Variants in FHAD1 observed in about 807,000 individuals in gnomAD.
The protein encoded by FHAD1 is forkhead associated phosphopeptide binding domain 1.
FHAD1 carries 146 observed loss-of-function variants against 191.3 expected under a neutral mutation model. The ratio of observed to expected loss-of-function variants is 0.76; its 90% CI spans 0.67 to 0.88. The LOEUF is 0.88. Among genes scored for constraint, FHAD1 ranks in the 40% least tolerant of loss-of-function variants. The probability of loss-of-function intolerance (pLI) is 0.00; values close to 1 mark genes in which losing one functional copy is unlikely to be tolerated. For synonymous variants in FHAD1, 616 were observed against 672.3 expected (o/e 0.92, Z 1.29); for missense variants, 1,635 against 1,785.8 (o/e 0.92, Z 1.52).
In FHAD1 at chr1:15,369,378, A is replaced by G. The variant is rs1208441760; in HGVS notation, c.3323A>G (p.Gln1108Arg). ...CCTCTTCTCTACCCTAGGGCTTCCC[A>G]AGAGAAACACAGACTCCAGCTGAAC... ...KALEEALRASQEKHRLQLNTE... is the reference protein window; with the variant it reads ...KALEEALRASREKHRLQLNTE... The change falls in exon 26 of 34, where the codon CAA (glutamine) becomes CGA (arginine). Residue 1108 changes from glutamine to arginine, a missense_variant. Physicochemically the swap from Gln to Arg is conservative, Grantham distance 43. Coordinates refer to ENST00000688493, the MANE Select transcript of FHAD1 (RefSeq NM_001391957.1). 6.4e-7 allele frequency: 1 copy of G among 1,552,052 alleles called. No individual in the cohort carries two copies. Among genetic ancestry groups the G allele is most frequent in the East Asian group, 2.4e-5 (1 of 40,926 alleles).
chr1:15,310,226 G>A (rs12088536), intron 7 of FHAD1, among the ~76,000 whole-genome samples: 1,907 of 152,324 alleles, frequency 0.013, 41 homozygotes, highest in African/African-American at 0.043. Flanking sequence ...TGAAAGCAGA[G>A]CGTAGCATTG....
At chr1:15,243,175 GC>G (rs1190690585), upstream of FHAD1, among the ~76,000 whole-genome samples, 1 of 152,218 alleles carries the variant, frequency 6.6e-6, no homozygotes, top group Non-Finnish European at 1.5e-5. Context: ...CTCATTTTCT[GC>G]CACGGGAAAA....
chr1:15,402,465 T>C (rs912327765), downstream of FHAD1, among the ~76,000 whole-genome samples: 4 of 152,228 alleles, frequency 2.6e-5, no homozygotes, highest in East Asian at 3.8e-4. Context: ...TCCACATATC[T>C]TGTTGGCTAC....
At chr1:15,358,365 G>T in intron 21 of FHAD1, 82 bp downstream of exon 21, 1 of 1,386,132 alleles carries the variant, frequency 7.2e-7, no homozygotes, top group South Asian at 1.4e-5. Flanking sequence ...GGTTTAGACC[G>T]GGGCTTCTCA....
chr1:15,324,483 G>A lies in FHAD1; in HGVS notation c.1397G>A (p.Arg466Lys). ...VEEKLQEDSR[R>K]KLLQLQEMGN... ...GAGAAGCTTCAGGAGGATTCCAGAA[G>A]GAAATTGCTTCAGCTGCAAGAAATG... Residue 466 changes from arginine to lysine, a missense_variant, in exon 11 of 34, where the codon AGG becomes AAG. Arg to Lys is a conservative substitution (Grantham distance 26, BLOSUM62 2). Coordinates refer to ENST00000688493, the MANE Select transcript of FHAD1 (RefSeq NM_001391957.1). 1 of 1,552,288 alleles carries A rather than the reference G, an allele frequency of 6.4e-7. No individual in the cohort carries two copies. Among genetic ancestry groups the A allele is most frequent in the South Asian group, 1.2e-5 (1 of 84,058 alleles).
chr1:15,363,723 C>T (rs555479104), intron 23 of FHAD1: 16 of 456,348 alleles, frequency 3.5e-5, no homozygotes, highest in South Asian at 2.3e-4. Flanking sequence ...TTTCAACTCT[C>T]CTGACCCTGA....
In FHAD1 at chr1:15,381,437, C is replaced by T. The variant is rs749359701; in HGVS notation, c.4008C>T (p.Asp1336=). ...KEELLRGYEK[D]VEQLRRSKVS... ...AGCTGTTGAGAGGATATGAAAAGGACGTTGAACAGCTCAGGTACCTCGGCA... is the reference window on the plus strand; with the variant it reads ...AGCTGTTGAGAGGATATGAAAAGGATGTTGAACAGCTCAGGTACCTCGGCA... Residue 1336 remains aspartate (D), a synonymous_variant, in exon 30 of 34, where the codon GAC becomes GAT. Coordinates refer to ENST00000688493, the MANE Select transcript of FHAD1 (RefSeq NM_001391957.1). The surrounding 1 kb of genome is among the most constrained non-coding windows in gnomAD (Gnocchi z 4.6). 32 of 1,551,176 alleles carry T rather than the reference C, an allele frequency of 2.1e-5. No homozygotes were observed. Among genetic ancestry groups the T allele is most frequent in the Non-Finnish European group, 2.6e-5 (30 of 1,146,938 alleles).
chr1:15,387,996 G>C, intron 31 of FHAD1, 55 bp from the exon 32 acceptor site: 1 of 1,036,506 alleles, frequency 9.6e-7, no homozygotes, highest in Non-Finnish European at 1.3e-6. Context: ...GATTGGAACG[G>C]GTAAGGACAC....
Position 15,367,539 on chromosome 1 carries a change from T to A in FHAD1, c.3231T>A (p.Ser1077Arg), listed in dbSNP as rs759129539. 1 of 1,546,034 alleles carries A rather than the reference T, an allele frequency of 6.5e-7. No individual in the cohort carries two copies. The change falls in exon 25 of 34, where the codon AGT (serine) becomes AGA (arginine). Residue 1077 changes from serine (S) to arginine (R), a missense_variant. Ser to Arg is a moderately radical substitution (Grantham distance 110). Coordinates refer to ENST00000688493, the MANE Select transcript of FHAD1 (RefSeq NM_001391957.1). Reference protein sequence around the residue: ...VLVQQQSKELSVLKEKMAQMS... With the variant: ...VLVQQQSKELRVLKEKMAQMS... ...TCCAGCAGCAGAGCAAGGAGCTGAG[T>A]GTGCTCAAGGAGAAGATGGCCCAGA...
Position 15,374,644 on chromosome 1 carries a change from C to T in FHAD1, c.3577+13C>T. On this transcript the variant is annotated intron_variant, in intron 27 of 33. Coordinates refer to ENST00000688493, the MANE Select transcript of FHAD1 (RefSeq NM_001391957.1). ...GCGCGCTCACCAGGTAAGTCTCCTC[C>T]TTCCTAGTCAGAGCAGTGGACCCCA... is the stretch of plus-strand genomic sequence containing the variant. The T allele has an allele frequency of 6.4e-7, 1 of 1,550,790 alleles. No homozygotes were observed. Among genetic ancestry groups the T allele is most frequent in the Non-Finnish European group, 8.7e-7 (1 of 1,146,916 alleles).
chr1:15,358,635 A>G (rs555948182), intron 21 of FHAD1, among the ~76,000 whole-genome samples: 1 of 152,338 alleles, frequency 6.6e-6, no homozygotes, highest in Non-Finnish European at 1.5e-5. Flanking sequence ...AGATGTTGTA[A>G]TGCAGGGTCC....
In FHAD1 at chr1:15,316,013, G is replaced by A. The variant is rs1038688102; in HGVS notation, c.1171-365G>A. The stretch of plus-strand genomic sequence containing the variant: ...CCCAGGGCAGTGGTGTCTTGGAGGA[G>A]TGAATTGCATGAAGCACTGAGAGCC... On this transcript the variant is annotated intron_variant, in intron 8 of 33. Transcript: ENST00000688493. The surrounding 1 kb of genome is among the most constrained non-coding windows in gnomAD (Gnocchi z 4.3). Among the ~76,000 whole-genome samples, 1 of 152,238 alleles carries A rather than the reference G, an allele frequency of 6.6e-6. No homozygotes were observed. The highest frequency in any genetic ancestry group is 2.4e-5 in the African/African-American group (1 of 41,464).
At position 15,369,478 on chromosome 1, in the gene FHAD1, T is replaced by TG; in HGVS notation, c.3424dup (p.Glu1142GlyfsTer37). 3 of 1,551,636 alleles carry TG rather than the reference T, an allele frequency of 1.9e-6. No homozygotes were observed. The highest frequency in any genetic ancestry group is 2.6e-6 in the Non-Finnish European group (3 of 1,146,978). On this transcript the variant is annotated frameshift_variant, in exon 26 of 34. Transcript: ENST00000688493. LOFTEE classifies it high-confidence loss of function. ...CTGTGCAGATAGAACCCGTCCACAC[T>TG]GAGGCCTTCTCCAGCAGCCAAGAGG...
chr1:15,347,692 G>A (rs1689400438), intron 18 of FHAD1, among the ~76,000 whole-genome samples: 1 of 152,202 alleles, frequency 6.6e-6, no homozygotes, highest in South Asian at 2.1e-4. Context: ...CAAGTGATCT[G>A]CCTGCCTTGG....
At chr1:15,383,879 C>T (rs1418410034) in intron 31 of FHAD1, 1 of 448,836 alleles carries the variant, frequency 2.2e-6, no homozygotes. Flanking sequence ...CAGCTGGGAC[C>T]TGACCCCAGA....
At chr1:15,299,199 CAAA>C (rs35299485) in intron 5 of FHAD1, among the ~76,000 whole-genome samples, 5 of 46,386 alleles carry the variant, frequency 1.1e-4, no homozygotes, top group African/African-American at 1.6e-4. Context: ...GACCCTGTCT[CAAA>C]AAAAAAAAAA....
upstream of FHAD1, among the ~76,000 whole-genome samples, chr1:15,244,471 A>G (rs78088930): frequency 8.6e-3 from 1,305 of 152,244 alleles, 25 homozygotes; most frequent in African/African-American, 0.029. This position sits in a 1 kb window ranked among gnomAD's most constrained non-coding sequence, Gnocchi z 5.1. Flanking sequence ...TCCTGGGTTC[A>G]TGTTAATGAC....
intron 18 of FHAD1, among the ~76,000 whole-genome samples, chr1:15,347,658 A>G (rs1178981093): frequency 2.6e-5 from 4 of 152,216 alleles, no homozygotes; most frequent in Non-Finnish European, 4.4e-5. Flanking sequence ...CACGTTGGCC[A>G]GGCTGCTCTT....
intron 9 of FHAD1, 72 bp from the exon 10 acceptor site, chr1:15,317,752 C>A: frequency 2.0e-6 from 2 of 1,019,008 alleles, no homozygotes; most frequent in Non-Finnish European, 3.0e-6. Context: ...ATGATGAGGG[C>A]TCAGACCTCT....
Sources: allele counts gnomAD v4.1 joint callset (sites outside exome capture counted in the v4.1 genomes callset), GRCh38; gene constraint gnomAD v4.1.1; non-coding constraint Gnocchi (gnomAD v3.1); transcripts MANE v1.5; gene names NCBI Gene and HGNC (gene_info 2026-07-23, HGNC 2026-07-21).